Variants in SYCP2 observed in about 807,000 individuals in gnomAD.
SYCP2 encodes synaptonemal complex protein 2.
A neutral mutation model predicts 211.3 loss-of-function variants in SYCP2; 55 were observed. That is an observed-to-expected ratio of 0.26 (90% CI 0.21 to 0.33). SYCP2 has a LOEUF of 0.33. Ranked by LOEUF, SYCP2 falls within the 10% of genes least tolerant of loss-of-function variation. The probability of loss-of-function intolerance (pLI) is 1.00; values close to 1 mark genes in which losing one functional copy is unlikely to be tolerated. For missense variants in SYCP2, 1,731 were observed against 1,752.0 expected, an observed-to-expected ratio of 0.99 and a Z score of 0.21; for synonymous variants, 570 against 555.2, an observed-to-expected ratio of 1.03 and a Z score of -0.37.
intron 1 of SYCP2, among the ~76,000 whole-genome samples, chr20:59,932,545 C>T (rs936171478): frequency 2.0e-5 from 3 of 152,068 alleles, no homozygotes; most frequent in African/African-American, 4.8e-5. Flanking sequence ...CGTGGTGGCG[C>T]GCCAAGTAGT....
At chr20:59,905,671 A>C (rs1467401158) in intron 15 of SYCP2, among the ~76,000 whole-genome samples, 1 of 152,194 alleles carries the variant, frequency 6.6e-6, no homozygotes, top group African/African-American at 2.4e-5. Flanking sequence ...CTTAATTGCC[A>C]TGATGGTTTC....
rs775282749 is a variant in SYCP2, at chr20:59,864,385, C to T, written c.4519G>A (p.Glu1507Lys). The T allele has an allele frequency of 2.5e-6, 4 of 1,590,022 alleles. No individual in the cohort carries two copies. Among genetic ancestry groups the T allele is most frequent in the South Asian group, 1.2e-5 (1 of 86,904 alleles). Residue 1507 changes from glutamate (E) to lysine (K), a missense_variant, in exon 45 of 45, where the codon GAA becomes AAA. Physicochemically the swap from Glu to Lys is moderately conservative, Grantham distance 56 (BLOSUM62 1). This residue lies in a region of SYCP2 where 1,387 missense variants were observed against 1,351.3 expected (regional missense o/e 1.03). Transcript: ENST00000357552. Reference protein sequence around the residue: ...LQDRLLKDMLEEELLNVRREL... With the variant: ...LQDRLLKDMLKEELLNVRREL... ...CTGCGTACATTAAGAAGCTCCTCTT[C>T]TAGCTATAGCCAAGAAAAAAAAAAT... is the stretch of plus-strand genomic sequence containing the variant.
chr20:59,890,212 G>A (rs1600870161), intron 24 of SYCP2, among the ~76,000 whole-genome samples: 1 of 152,144 alleles, frequency 6.6e-6, no homozygotes. Flanking sequence ...GGAATACTAT[G>A]CAGCCATAAA....
At position 59,902,621 on chromosome 20, in the gene SYCP2, T is replaced by C. The variant is rs372411238; in HGVS notation, c.1034-811A>G. On this transcript the variant is annotated intron_variant, in intron 15 of 44. Transcript: ENST00000357552. ...TGAAAAAGCTCTGCAGGCCACGCCA[T>C]GATGTGGCCTAAGGGACAAATGTCC... Among the ~76,000 whole-genome samples, 86 of 152,222 alleles carry C rather than the reference T, an allele frequency of 5.6e-4. 1 individual carries two copies. In the South Asian group the frequency reaches 0.017, roughly 30 times the overall value.
At chr20:59,881,560 CAT>C (rs2059681583) in intron 28 of SYCP2, 68 bp from the exon 29 acceptor site, 1 of 770,990 alleles carries the variant, frequency 1.3e-6, no homozygotes, top group South Asian at 2.1e-5. Context: ...AAGGAATAAA[CAT>C]AAAATCTAGT....
At chr20:59,865,319 C>T (rs2059307788) in intron 44 of SYCP2, 69 bp downstream of exon 44, 2 of 1,255,042 alleles carry the variant, frequency 1.6e-6, no homozygotes, top group East Asian at 2.3e-5. Context: ...TAAAAGCACA[C>T]ACACAAAAAA....
intron 39 of SYCP2, 109 bp from the exon 40 acceptor site, chr20:59,866,698 C>G (rs1195966066): frequency 4.1e-6 from 3 of 738,864 alleles, no homozygotes; most frequent in African/African-American, 1.8e-5. Flanking sequence ...CTAAGAAGAA[C>G]TTGGAAAAGT....
At chr20:59,913,470 A>T (rs962952908) in intron 12 of SYCP2, among the ~76,000 whole-genome samples, 6 of 152,068 alleles carry the variant, frequency 3.9e-5, no homozygotes, top group Admixed American at 1.3e-4. Flanking sequence ...CTGTCGTTAT[A>T]AAAAAAAGAT....
intron 41 of SYCP2, 37 bp downstream of exon 41, chr20:59,866,256 T>C (rs745628835): frequency 3.4e-5 from 48 of 1,400,628 alleles, no homozygotes; most frequent in Non-Finnish European, 4.5e-5. Flanking sequence ...AAAAATAAGG[T>C]TTTAAACTTA....
rs1204957358 is a variant in SYCP2, at chr20:59,868,536, A to G, written c.3865T>C (p.Tyr1289His). 1 of 1,606,760 alleles carries G rather than the reference A, an allele frequency of 6.2e-7. No individual in the cohort carries two copies. Among genetic ancestry groups the G allele is most frequent in the South Asian group, 1.1e-5 (1 of 89,422 alleles). Reference sequence around the variant, plus strand: ...GAATTACTTAGATTATCTTCTATATATATTCTTTTGCGACTAAGATGTTGG... The same window carrying G: ...GAATTACTTAGATTATCTTCTATATGTATTCTTTTGCGACTAAGATGTTGG... ...PTQHLSRKRI[Y>H]IEDNLSNSNE... Residue 1289 changes from tyrosine (Y) to histidine (H), a missense_variant, in exon 38 of 45, where the codon TAT (tyrosine) becomes CAT (histidine). Physicochemically the swap from Tyr to His is moderately conservative, Grantham distance 83. Coordinates refer to ENST00000357552, the MANE Select transcript of SYCP2 (RefSeq NM_014258.4).
intron 37 of SYCP2, 81 bp downstream of exon 37, chr20:59,868,753 TA>T: frequency 7.4e-7 from 1 of 1,358,010 alleles, no homozygotes. Flanking sequence ...CGGTATGACT[TA>T]AAATACATAA....
intron 7 of SYCP2, among the ~76,000 whole-genome samples, chr20:59,917,866 C>CA (rs2060472162): frequency 6.6e-6 from 1 of 152,172 alleles, no homozygotes; most frequent in African/African-American, 2.4e-5. Context: ...CAAAGGTTGG[C>CA]AAACTATGGC....
chr20:59,914,258 A>G lies in SYCP2; in HGVS notation c.635-7T>C. On this transcript the variant is annotated splice_polypyrimidine_tract_variant and splice_region_variant and intron_variant, in intron 10 of 44. Coordinates refer to ENST00000357552, the MANE Select transcript of SYCP2 (RefSeq NM_014258.4). ...CCTACCTGTAAGTCATAATCTATTA[A>G]AAAAATAGTTAATGTTTGATTTACA... 4 of 1,500,112 alleles carry G rather than the reference A, an allele frequency of 2.7e-6. No homozygotes were observed. Among genetic ancestry groups the G allele is most frequent in the Non-Finnish European group, 3.6e-6 (4 of 1,107,098 alleles). The allele number at this position is 1,500,112 out of a possible 1,614,324, so 92.9% of individuals were successfully genotyped here.
chr20:59,866,094 T>TA (rs2059327058), intron 41 of SYCP2, among the ~76,000 whole-genome samples, 199 bp downstream of exon 41: 1 of 151,840 alleles, frequency 6.6e-6, no homozygotes, highest in Non-Finnish European at 1.5e-5. Context: ...GATTTCTCAT[T>TA]ATCAAAGATA....
intron 24 of SYCP2, among the ~76,000 whole-genome samples, chr20:59,889,024 A>C (rs1424477598): frequency 6.6e-6 from 1 of 152,086 alleles, no homozygotes; most frequent in African/African-American, 2.4e-5. Flanking sequence ...TAGAAAGCTC[A>C]ATATTGTCAA....
chr20:59,868,356 A>G (rs1254537532), intron 38 of SYCP2, 57 bp downstream of exon 38: 2 of 1,558,122 alleles, frequency 1.3e-6, no homozygotes, highest in Non-Finnish European at 1.7e-6. Flanking sequence ...CTCATTCAAA[A>G]TATAAGAACC....
At position 59,907,380 on chromosome 20, in the gene SYCP2, T is replaced by G; in HGVS notation, c.1017A>C (p.Gln339His). 3 of 1,609,016 alleles carry G rather than the reference T, an allele frequency of 1.9e-6. No individual in the cohort carries two copies. The highest frequency in any genetic ancestry group is 2.6e-6 in the Non-Finnish European group (3 of 1,176,370). ...GTTTAATACCTTCAATGCTGTATATTTGTACTTTTTCCTCTGGCACAGTAA... is the reference window on the plus strand; with the variant it reads ...GTTTAATACCTTCAATGCTGTATATGTGTACTTTTTCCTCTGGCACAGTAA... ...EAVTVPEEKV[Q>H]IYSIEVRESK... The change falls in exon 15 of 45, where the codon CAA (glutamine) becomes CAC (histidine). Residue 339 changes from glutamine to histidine, a missense_variant. Transcript: ENST00000357552.
At chr20:59,931,744 G>A (rs1201347648) in intron 2 of SYCP2, among the ~76,000 whole-genome samples, 1 of 152,128 alleles carries the variant, frequency 6.6e-6, no homozygotes, top group Non-Finnish European at 1.5e-5. Flanking sequence ...TTTGCACGAA[G>A]TCAGTTGGGG....
intron 14 of SYCP2, among the ~76,000 whole-genome samples, chr20:59,908,554 A>G (rs1414710903): frequency 1.3e-5 from 2 of 152,192 alleles, no homozygotes; most frequent in Non-Finnish European, 2.9e-5. Context: ...GGCATACTCT[A>G]TTCCCAATAA....
Sources: gnomAD v4.1 joint callset for allele counts (sites outside exome capture counted in the v4.1 genomes callset) on GRCh38, gnomAD v4.1.1 for gene constraint, gnomAD v4.1.1 regional missense constraint, MANE v1.5 for transcripts, NCBI Gene and HGNC (gene_info 2026-07-23, HGNC 2026-07-21) for gene names.